The following GLRA3 variants were observed in gnomAD, a reference collection of about 807,000 sequenced individuals.
GLRA3 encodes the protein glycine receptor alpha 3, also known as glycine receptor subunit alpha-3.
In GLRA3, 44 loss-of-function variants were observed where a neutral mutation model predicts 60.4. The observed-to-expected ratio is 0.73, with a 90% CI of 0.57 to 0.94. The LOEUF (loss-of-function observed/expected upper bound fraction) is 0.94, where lower values mean the gene tolerates loss of function less well. GLRA3 is among the 40% of genes least tolerant of loss of function. GLRA3 has a pLI of 0.00. For synonymous variants in GLRA3, 223 were observed against 192.9 expected (o/e 1.16, Z -1.29); for missense variants, 508 against 564.6 (o/e 0.90, Z 1.02).
chr4:174,659,954 A>C (rs1341561821), intron 7 of GLRA3, among the ~76,000 whole-genome samples: 2 of 141,570 alleles, frequency 1.4e-5, no homozygotes, highest in African/African-American at 5.4e-5. Context: ...CCAGGGCAAA[A>C]GAGTAGAATT....
chr4:174,714,976 GAT>G (rs1735854138), intron 5 of GLRA3, among the ~76,000 whole-genome samples: 1 of 152,176 alleles, frequency 6.6e-6, no homozygotes, highest in Non-Finnish European at 1.5e-5. Context: ...CCAGCAGAGT[GAT>G]ATTAAAATAA....
intron 7 of GLRA3, among the ~76,000 whole-genome samples, chr4:174,666,495 T>C (rs916294395): frequency 3.3e-5 from 5 of 151,994 alleles, no homozygotes; most frequent in Non-Finnish European, 7.4e-5. Flanking sequence ...ATTGTTTACT[T>C]GCCATGTAAC....
Position 174,639,149 on chromosome 4 carries a change from G to T in GLRA3, c.*4637C>A, listed in dbSNP as rs898995569. On this transcript the variant is annotated 3_prime_UTR_variant, in exon 10 of 10. Coordinates refer to ENST00000274093, the MANE Select transcript of GLRA3 (RefSeq NM_006529.4). ...AGTGTTTTAGAATTCGATTGTTAAG[G>T]GTTAAAGACTTGATCCAGTTAGCTT... 6.6e-6 allele frequency: 1 copy of T among 152,040 alleles called. No homozygotes were observed. Among genetic ancestry groups the T allele is most frequent in the Non-Finnish European group, 1.5e-5 (1 of 67,990 alleles). 9.4% of individuals were successfully genotyped at this position (152,040 alleles called of 1,614,324 possible). A position where few individuals can be genotyped will look rare whatever the true frequency, so the allele number is the denominator to read the frequency against.
At chr4:174,729,729 A>AT (rs1409917443) in intron 3 of GLRA3, among the ~76,000 whole-genome samples, 1 of 152,206 alleles carries the variant, frequency 6.6e-6, no homozygotes, top group Admixed American at 6.5e-5. Flanking sequence ...TATAGACCTC[A>AT]TTGTAAGCAT....
chr4:174,686,070 G>A (rs980834608), intron 5 of GLRA3, among the ~76,000 whole-genome samples: 6 of 152,180 alleles, frequency 3.9e-5, no homozygotes, highest in African/African-American at 1.4e-4. Flanking sequence ...GTTTAGGTAT[G>A]TGTATTTCAT....
chr4:174,655,907 T>C (rs940998087), intron 9 of GLRA3, among the ~76,000 whole-genome samples: 5 of 152,132 alleles, frequency 3.3e-5, no homozygotes, highest in Non-Finnish European at 7.4e-5. Flanking sequence ...GCAAGAATTA[T>C]TTAACATTAA....
chr4:174,694,716 G>A (rs982289393), intron 5 of GLRA3, among the ~76,000 whole-genome samples: 2 of 151,828 alleles, frequency 1.3e-5, no homozygotes, highest in African/African-American at 2.4e-5. Flanking sequence ...GCTAGCAGAA[G>A]ACAAGAAATA....
intron 7 of GLRA3, among the ~76,000 whole-genome samples, chr4:174,676,038 A>G (rs189403175): frequency 6.6e-6 from 1 of 152,204 alleles, no homozygotes; most frequent in East Asian, 1.9e-4. Context: ...GTAATAGTAA[A>G]GCTTCTTGGA....
chr4:174,827,062 A>G (rs1372313446), intron 1 of GLRA3, among the ~76,000 whole-genome samples: 1 of 151,982 alleles, frequency 6.6e-6, no homozygotes, highest in Non-Finnish European at 1.5e-5. Flanking sequence ...TGAAGAATAT[A>G]AGTTATGAAG....
intron 3 of GLRA3, among the ~76,000 whole-genome samples, chr4:174,739,258 A>G (rs1736916583): frequency 6.6e-6 from 1 of 152,232 alleles, no homozygotes; most frequent in East Asian, 1.9e-4. Flanking sequence ...TAAAGGAATG[A>G]GAAGGAAATT....
rs76988964 is a variant in GLRA3, at chr4:174,738,197, C to T, written c.268-9499G>A. Reference sequence around the variant, plus strand: ...TATTGCTGCCTCATTTAGGACAGCTCTTGACAGTAACAGATGAAATGTTTG... The same window carrying T: ...TATTGCTGCCTCATTTAGGACAGCTTTTGACAGTAACAGATGAAATGTTTG... On this transcript the variant is annotated intron_variant, in intron 3 of 9. Transcript: ENST00000274093. Among the ~76,000 whole-genome samples the T allele has an allele frequency of 6.8e-4, 104 of 152,194 alleles. 2 individuals carry two copies. In the East Asian group the frequency reaches 0.02, roughly 29 times the overall value.
At chr4:174,788,393 A>G (rs959311604) in intron 2 of GLRA3, among the ~76,000 whole-genome samples, 2 of 152,044 alleles carry the variant, frequency 1.3e-5, no homozygotes, top group African/African-American at 4.8e-5. Context: ...GGTAAATTCA[A>G]CAACGGTTAG....
At position 174,718,738 on chromosome 4, in the gene GLRA3, CATCT is replaced by C. The variant is rs377465031; in HGVS notation, c.492-3172_492-3169del. ...ATCTGTAATATCATATTAGCTAACA[CATCT>C]ATTAGACAATGTTTACTGTGCAGTA... On this transcript the variant is annotated intron_variant, in intron 4 of 9. Coordinates refer to ENST00000274093, the MANE Select transcript of GLRA3 (RefSeq NM_006529.4). Among the ~76,000 whole-genome samples, 49 of 152,246 alleles carry C rather than the reference CATCT, an allele frequency of 3.2e-4. No homozygotes were observed. In the South Asian group the frequency reaches 0.01, roughly 32 times the overall value.
At chr4:174,819,003 T>C (rs1740626011) in intron 1 of GLRA3, among the ~76,000 whole-genome samples, 2 of 152,334 alleles carry the variant, frequency 1.3e-5, no homozygotes, top group South Asian at 4.1e-4. Flanking sequence ...TTATCACTTA[T>C]CAGAAATGTA....
intron 9 of GLRA3, among the ~76,000 whole-genome samples, chr4:174,651,160 C>A (rs1733007743): frequency 6.6e-6 from 1 of 152,160 alleles, no homozygotes; most frequent in Non-Finnish European, 1.5e-5. Flanking sequence ...AACAAAGGAA[C>A]ACATTTTAGC....
rs888313489 is a variant in GLRA3 at position 174,770,831 on chromosome 4, A to C, written c.200-3801T>G. On this transcript the variant is annotated intron_variant, in intron 2 of 9. Transcript: ENST00000274093. ...TGTGTTATGTGCCACTATGTGGGAG[A>C]GGAGTAAACTTAGTTTACTCCATGA... 3.3e-5 allele frequency among the ~76,000 whole-genome samples: 5 copies of C among 151,890 alleles called. No homozygotes were observed. The East Asian group carries it at 5.8e-4, about 18-fold the overall frequency.
intron 2 of GLRA3, among the ~76,000 whole-genome samples, chr4:174,782,217 C>A (rs1039663556): frequency 6.7e-6 from 1 of 149,444 alleles, no homozygotes; most frequent in Non-Finnish European, 1.5e-5. Flanking sequence ...AGACAAAAAC[C>A]ACATGATTAT....
intron 5 of GLRA3, among the ~76,000 whole-genome samples, chr4:174,710,654 G>T (rs1345022954): frequency 6.6e-6 from 1 of 151,892 alleles, no homozygotes; most frequent in African/African-American, 2.4e-5. Flanking sequence ...AAAGGTTTTG[G>T]CTGAGTTTCC....
At chr4:174,675,336 T>G (rs182997643) in intron 7 of GLRA3, among the ~76,000 whole-genome samples, 78 of 152,314 alleles carry the variant, frequency 5.1e-4, no homozygotes, top group African/African-American at 1.8e-3. Context: ...ATTCTTCTTT[T>G]TTTTAAGTTG....
Sources: gnomAD v4.1 joint callset for allele counts (sites outside exome capture counted in the v4.1 genomes callset) on GRCh38, gnomAD v4.1.1 for gene constraint, MANE v1.5 for transcripts, NCBI Gene and HGNC (gene_info 2026-07-23, HGNC 2026-07-21) for gene names.